The following GRIN2D variants were observed in gnomAD, a reference collection of about 807,000 sequenced individuals.
GRIN2D encodes the protein glutamate ionotropic receptor NMDA type subunit 2D, also known as glutamate receptor ionotropic, NMDA 2D.
In GRIN2D, 37 loss-of-function variants were observed where a neutral mutation model predicts 103.2. That is an observed-to-expected ratio of 0.36 (90% CI 0.28 to 0.47). The LOEUF (loss-of-function observed/expected upper bound fraction) is 0.47, where lower values mean the gene tolerates loss of function less well. Ranked by LOEUF, GRIN2D falls within the 20% of genes least tolerant of loss-of-function variation. The probability of loss-of-function intolerance (pLI) is 1.00; values close to 1 mark genes in which losing one functional copy is unlikely to be tolerated. For missense variants in GRIN2D, 1,557 were observed against 1,910.6 expected (o/e 0.81, Z 3.45); for synonymous variants, 845 against 885.6 (o/e 0.95, Z 0.81).
At chr19:48,398,331 C>T in intron 2 of GRIN2D, 36 bp from the exon 3 acceptor site, 1 of 898,204 alleles carries the variant, frequency 1.1e-6, no homozygotes, top group Non-Finnish European at 1.4e-6. Flanking sequence ...TCTGTGCCTC[C>T]CTCTCCTCCC....
chr19:48,398,646 G>A lies in GRIN2D; in HGVS notation c.254G>A (p.Arg85Gln). 2 of 1,430,262 alleles carry A rather than the reference G, an allele frequency of 1.4e-6. No individual in the cohort carries two copies. Among genetic ancestry groups the A allele is most frequent in the Non-Finnish European group, 1.8e-6 (2 of 1,091,802 alleles). The allele number at this position is 1,430,262 out of a possible 1,614,324, so 88.6% of individuals were successfully genotyped here. ...GTGCGCAGCCCGGGCCTAGACGTGC[G>A]GCCCGTGGCGCTGGTGCTCAACGGC... The part of the protein sequence containing the change: ...AAVRSPGLDV[R>Q]PVALVLNGSD... Residue 85 changes from arginine to glutamine, a missense_variant, in exon 3 of 14, where the codon CGG becomes CAG. Arg to Gln is a conservative substitution (Grantham distance 43). This residue lies in a region of GRIN2D where 490 missense variants were observed against 601.1 expected (regional missense o/e 0.82). Coordinates refer to ENST00000263269, the MANE Select transcript of GRIN2D (RefSeq NM_000836.4).
chr19:48,408,461 T>C (rs1970817903), intron 4 of GRIN2D, among the ~76,000 whole-genome samples: 2 of 151,922 alleles, frequency 1.3e-5, no homozygotes, highest in South Asian at 2.1e-4. Context: ...ATCTCTTCAC[T>C]GCAGTCCAGC....
At chr19:48,418,310 G>A (rs868146249) in intron 8 of GRIN2D, among the ~76,000 whole-genome samples, 1 of 152,176 alleles carries the variant, frequency 6.6e-6, no homozygotes, top group South Asian at 2.1e-4. Flanking sequence ...TGGGATTACA[G>A]GCGTGAACCA....
At chr19:48,437,950 C>G (rs1390793811) in intron 11 of GRIN2D, among the ~76,000 whole-genome samples, 6 of 152,146 alleles carry the variant, frequency 3.9e-5, no homozygotes, top group Middle Eastern at 3.2e-3. Flanking sequence ...TGATGAATGT[C>G]CTCCCCACGT....
Position 48,442,605 on chromosome 19 carries a change from G to C in GRIN2D, c.2679G>C (p.Met893Ile). 1 of 1,512,058 alleles carries C rather than the reference G, an allele frequency of 6.6e-7. No individual in the cohort carries two copies. The highest frequency in any genetic ancestry group is 8.8e-7 in the Non-Finnish European group (1 of 1,134,798). 93.7% of individuals were successfully genotyped at this position (1,512,058 alleles called of 1,614,324 possible). The change falls in exon 14 of 14, where the codon ATG becomes ATC. Residue 893 changes from methionine (M) to isoleucine (I), a missense_variant. Physicochemically the swap from Met to Ile is conservative, Grantham distance 10. Transcript: ENST00000263269. This position sits in a 1 kb window ranked among gnomAD's most constrained non-coding sequence, Gnocchi z 7.2. ...MDFLLAFSRG[M>I]YSCCSAEAAP... is the part of the protein sequence containing the mutation. ...TCCTGTCCCCGGACCCGCAGGGCAT[G>C]TACAGCTGCTGCAGCGCTGAGGCCG...
At chr19:48,395,914 G>A (rs1970634061) in intron 2 of GRIN2D, among the ~76,000 whole-genome samples, 1 of 152,002 alleles carries the variant, frequency 6.6e-6, no homozygotes, top group South Asian at 2.1e-4. Flanking sequence ...CAGAGTCTTG[G>A]GGCAGGAGGG....
chr19:48,420,718 T>C (rs276707), intron 10 of GRIN2D, among the ~76,000 whole-genome samples: 95,851 of 151,616 alleles, frequency 0.63, 32,041 homozygotes, highest in East Asian at 0.85. Context: ...CCCAGCTACT[T>C]GGGAGGCTGA....
Position 48,443,280 on chromosome 19 carries a change from G to T in GRIN2D, c.3354G>T (p.Ser1118=). The T allele has an allele frequency of 6.5e-7, 1 of 1,530,856 alleles. No individual in the cohort carries two copies. 94.8% of individuals were successfully genotyped at this position (1,530,856 alleles called of 1,614,324 possible). A position where few individuals can be genotyped will look rare whatever the true frequency, so the allele number is the denominator to read the frequency against. ...LEPSPSDSED[S]ESLGGASLGG... ...CGTCGCCGTCGGACTCGGAGGACTC[G>T]GAGAGCCTGGGCGGCGCGTCGCTGG... is the stretch of plus-strand genomic sequence containing the variant. The change falls in exon 14 of 14, where the codon TCG becomes TCT. Residue 1118 remains serine (S), a synonymous_variant. Transcript: ENST00000263269. The surrounding 1 kb of genome is among the most constrained non-coding windows in gnomAD (Gnocchi z 8.9).
chr19:48,396,188 G>A lies in GRIN2D; in HGVS notation c.-27+1252G>A, dbSNP rs983433591. 5.9e-5 allele frequency among the ~76,000 whole-genome samples: 9 copies of A among 151,938 alleles called. No individual in the cohort carries two copies. In the South Asian group the frequency reaches 6.2e-4, roughly 10 times the overall value. ...AGGTAGAGATGGAGGCGGGGGGAGC[G>A]GGGGGTTGTCCAGAGGCTGGACTCT... On this transcript the variant is annotated intron_variant, in intron 2 of 13. Transcript: ENST00000263269.
intron 2 of GRIN2D, among the ~76,000 whole-genome samples, chr19:48,396,506 G>A (rs936310148): frequency 2.0e-5 from 3 of 151,674 alleles, no homozygotes; most frequent in Non-Finnish European, 4.4e-5. Context: ...GAGCGTGAGT[G>A]TTAACCCCGC....
At chr19:48,419,380 C>T (rs1025724238) in intron 9 of GRIN2D, 21 bp downstream of exon 9, 1 of 1,587,700 alleles carries the variant, frequency 6.3e-7, no homozygotes. Context: ...CTTCCTCCAT[C>T]CCCCGCCTCG....
intron 4 of GRIN2D, among the ~76,000 whole-genome samples, chr19:48,413,455 G>T (rs1970900861): frequency 6.6e-6 from 1 of 151,846 alleles, no homozygotes; most frequent in South Asian, 2.1e-4. Context: ...CTCCAGCCTG[G>T]GTGACAGAGC....
Position 48,393,868 on chromosome 19 carries a change from G to A in GRIN2D, c.-306G>A, listed in dbSNP as rs560770144. On this transcript the variant is annotated splice_region_variant and 5_prime_UTR_variant, in exon 1 of 14. Transcript: ENST00000263269. This position sits in a 1 kb window ranked among gnomAD's most constrained non-coding sequence, Gnocchi z 5.6. ...TCTCTCGAGCGTCTGCCATCTGCCC[G>A]GTGAGGATCTGTGTGTCCGGGTGTC... Among the ~76,000 whole-genome samples, 2 of 152,104 alleles carry A rather than the reference G, an allele frequency of 1.3e-5. No homozygotes were observed. The highest frequency in any genetic ancestry group is 1.9e-4 in the East Asian group (1 of 5,152).
intron 4 of GRIN2D, among the ~76,000 whole-genome samples, chr19:48,411,326 AAATAATAATAATAATAATAAT>A (rs200053542): frequency 2.2e-5 from 3 of 138,248 alleles, no homozygotes; most frequent in African/African-American, 5.5e-5. Context: ...CCCCGTCTCA[AAATAATAATAATAATAATAAT>A]AATAATAATA....
At position 48,442,688 on chromosome 19, in the gene GRIN2D, C is replaced by T; in HGVS notation, c.2762C>T (p.Pro921Leu). 8.3e-7 allele frequency: 1 copy of T among 1,199,746 alleles called. No individual in the cohort carries two copies. Among genetic ancestry groups the T allele is most frequent in the Non-Finnish European group, 1.0e-6 (1 of 969,114 alleles). The allele number at this position is 1,199,746 out of a possible 1,614,324, so 74.3% of individuals were successfully genotyped here. A position where few individuals can be genotyped will look rare whatever the true frequency, so the allele number is the denominator to read the frequency against. ...CAGCCCCTGCCCAGCCCCGCGTACCCCGCGCCGCGGCCGGCTCCCGGGCCC... is the reference window on the plus strand; with the variant it reads ...CAGCCCCTGCCCAGCCCCGCGTACCTCGCGCCGCGGCCGGCTCCCGGGCCC... ...PPQPLPSPAY[P>L]APRPAPGPAP... The change falls in exon 14 of 14, where the codon CCC (proline) becomes CTC (leucine). Residue 921 changes from proline to leucine, a missense_variant. This residue lies in a region of GRIN2D where 632 missense variants were observed against 572.8 expected (regional missense o/e 1.10). Transcript: ENST00000263269. This position sits in a 1 kb window ranked among gnomAD's most constrained non-coding sequence, Gnocchi z 7.2.
intron 2 of GRIN2D, among the ~76,000 whole-genome samples, chr19:48,396,192 G>A (rs1261755096): frequency 6.6e-6 from 1 of 152,026 alleles, no homozygotes; most frequent in Admixed American, 6.5e-5. Flanking sequence ...GGGAGCGGGG[G>A]GTTGTCCAGA....
chr19:48,404,735 A>G lies in GRIN2D; in HGVS notation c.467A>G (p.Glu156Gly), dbSNP rs761154851. The change falls in exon 4 of 14, where the codon GAG becomes GGG. Residue 156 changes from glutamate (E) to glycine (G), a missense_variant and splice_region_variant. Transcript: ENST00000263269. ...GACATCCTCCTCCCTCCCTGGCAGG[A>G]GAAGGGCTCCACCTTCCTGCAGCTG... is the stretch of plus-strand genomic sequence containing the variant. ...GGAALVLTPK[E>G]KGSTFLQLGS... The G allele has an allele frequency of 1.3e-6, 2 of 1,592,128 alleles. No individual in the cohort carries two copies. The highest frequency in any genetic ancestry group is 1.1e-5 in the South Asian group (1 of 88,080).
Position 48,419,807 on chromosome 19 carries a change from A to G in GRIN2D, c.2084A>G (p.Asp695Gly). 1.9e-6 allele frequency: 3 copies of G among 1,610,006 alleles called. No homozygotes were observed. Among genetic ancestry groups the G allele is most frequent in the Non-Finnish European group, 2.5e-6 (3 of 1,177,332 alleles). The change falls in exon 10 of 14, where the codon GAC becomes GGC. Residue 695 changes from aspartate (D) to glycine (G), a missense_variant. Asp to Gly is a moderately conservative substitution (Grantham distance 94). Transcript: ENST00000263269. ...GTGGATACTGTGTCTGGGCTCAGTGACCGCAAGGTGTGTGTGGGCCCAGGG... is the reference window on the plus strand; with the variant it reads ...GTGGATACTGTGTCTGGGCTCAGTGGCCGCAAGGTGTGTGTGGGCCCAGGG... ...EYVDTVSGLSDRKFQRPQEQY... is the reference protein window; with the variant it reads ...EYVDTVSGLSGRKFQRPQEQY...
rs766471644 is a variant in GRIN2D at position 48,419,359 on chromosome 19, C to T, written c.1861C>T (p.Arg621Cys). 6 of 1,599,098 alleles carry T rather than the reference C, an allele frequency of 3.8e-6. No homozygotes were observed. The African/African-American group carries it at 5.4e-5, about 14-fold the overall frequency. Residue 621 changes from arginine (R) to cysteine (C), a missense_variant and splice_region_variant, in exon 9 of 14, where the codon CGC (arginine) becomes TGC (cysteine). Transcript: ENST00000263269. ...GYNRSLATGK[R>C]PGGSTFTIGK... is the part of the protein sequence containing the mutation. ...CAACCGCAGCCTGGCCACGGGCAAG[C>T]GTGAGTCCCCCTTCCTCCATCCCCC...
Sources: gnomAD v4.1 joint callset for allele counts (sites outside exome capture counted in the v4.1 genomes callset) on GRCh38, gnomAD v4.1.1 for gene constraint, gnomAD v4.1.1 regional missense constraint, Gnocchi (gnomAD v3.1) non-coding constraint, MANE v1.5 for transcripts, NCBI Gene and HGNC (gene_info 2026-07-23, HGNC 2026-07-21) for gene names.